The following KITLG variants were observed in gnomAD, a reference collection of about 807,000 sequenced individuals.
KITLG encodes KIT ligand.
A neutral mutation model predicts 34.1 loss-of-function variants in KITLG; 13 were observed. That is an observed-to-expected ratio of 0.38 (90% CI 0.25 to 0.61). KITLG has a LOEUF of 0.61. KITLG is among the 20% of genes least tolerant of loss of function. The pLI, the probability that KITLG is intolerant of heterozygous loss-of-function variation, is 0.60. For synonymous variants in KITLG, 110 were observed against 104.0 expected, an observed-to-expected ratio of 1.06 and a Z score of -0.35; for missense variants, 292 against 318.9, an observed-to-expected ratio of 0.92 and a Z score of 0.64.
At chr12:88,502,869 A>G (rs543394604) in intron 9 of KITLG, among the ~76,000 whole-genome samples, 41 of 151,264 alleles carry the variant, frequency 2.7e-4, no homozygotes, top group African/African-American at 8.3e-4. Flanking sequence ...ATGCCACTTG[A>G]GAGAACTGAA....
At chr12:88,560,110 T>A (rs1399372965) in intron 1 of KITLG, among the ~76,000 whole-genome samples, 3 of 152,242 alleles carry the variant, frequency 2.0e-5, no homozygotes, top group African/African-American at 4.8e-5. Flanking sequence ...CTTGTGATGA[T>A]AACATGTTTT....
In KITLG at chr12:88,580,270, C is replaced by T. The variant is rs2121003290; in HGVS notation, c.9G>A (p.Lys3=). The change falls in exon 1 of 10, where the codon AAG becomes AAA. Residue 3 remains lysine, a synonymous_variant. Transcript: ENST00000644744. ...CCGGGCGCGCCCTACTCACTTGTGT[C>T]TTCTTCATAAGGAAAGGCAGCGCTG... is the stretch of plus-strand genomic sequence containing the variant. The part of the protein sequence containing the change: MK[K]TQTWILTCIY... 3.7e-6 allele frequency: 6 copies of T among 1,610,644 alleles called. No homozygotes were observed. Among genetic ancestry groups the T allele is most frequent in the African/African-American group, 1.3e-5 (1 of 74,994 alleles).
intron 2 of KITLG, among the ~76,000 whole-genome samples, chr12:88,544,537 A>C (rs1379896186): frequency 6.6e-6 from 1 of 150,724 alleles, no homozygotes; most frequent in Non-Finnish European, 1.5e-5. Flanking sequence ...CTCCCCCCTC[A>C]CCCCCATCCC....
chr12:88,512,743 TAA>T (rs1444037203), intron 6 of KITLG, among the ~76,000 whole-genome samples: 1 of 151,458 alleles, frequency 6.6e-6, no homozygotes, highest in Non-Finnish European at 1.5e-5. Context: ...GTGATATTTT[TAA>T]AAGACTAAAA....
chr12:88,574,290 GAAA>G (rs5799871), intron 1 of KITLG, among the ~76,000 whole-genome samples: 2 of 139,306 alleles, frequency 1.4e-5, no homozygotes. Flanking sequence ...ACTGCTAAAA[GAAA>G]AAAAAAAAAA....
At chr12:88,529,296 C>T (rs752024183) in intron 3 of KITLG, among the ~76,000 whole-genome samples, 1 of 152,128 alleles carries the variant, frequency 6.6e-6, no homozygotes, top group Non-Finnish European at 1.5e-5. Flanking sequence ...TCTACAATAA[C>T]ATTACCAGTA....
chr12:88,527,240 TC>T (rs1332621592), intron 3 of KITLG, among the ~76,000 whole-genome samples: 1 of 152,114 alleles, frequency 6.6e-6, no homozygotes, highest in Non-Finnish European at 1.5e-5. Context: ...AAAAAGCCAT[TC>T]AATGAATATA....
At chr12:88,542,825 G>T (rs1440106539) in intron 2 of KITLG, among the ~76,000 whole-genome samples, 1 of 152,112 alleles carries the variant, frequency 6.6e-6, no homozygotes, top group Non-Finnish European at 1.5e-5. Context: ...CTGAGAGACT[G>T]TGATCTGCTG....
chr12:88,570,063 G>A (rs929918166), intron 1 of KITLG, among the ~76,000 whole-genome samples: 1 of 152,072 alleles, frequency 6.6e-6, no homozygotes, highest in Admixed American at 6.6e-5. Context: ...GAGGATCAGA[G>A]CAAATTGATA....
intron 1 of KITLG, among the ~76,000 whole-genome samples, chr12:88,561,260 A>G (rs1045311973): frequency 9.2e-5 from 14 of 152,162 alleles, no homozygotes; most frequent in African/African-American, 3.4e-4. Context: ...TACCTGTCAA[A>G]TAATACACCT....
intron 3 of KITLG, among the ~76,000 whole-genome samples, chr12:88,522,452 A>G (rs1311121681): frequency 7.7e-6 from 1 of 130,388 alleles, no homozygotes; most frequent in Non-Finnish European, 1.6e-5. Flanking sequence ...TTTTTGAGAC[A>G]GTCTTGCTCT....
intron 1 of KITLG, among the ~76,000 whole-genome samples, chr12:88,573,150 G>A (rs1427685502): frequency 6.6e-6 from 1 of 152,148 alleles, no homozygotes. Flanking sequence ...AATTTTATAT[G>A]AAAACATCTC....
Position 88,493,222 on chromosome 12 carries a change from G to A in KITLG, c.*3997C>T, listed in dbSNP as rs554152401. 10 of 152,220 alleles carry A rather than the reference G, an allele frequency of 6.6e-5. No individual in the cohort carries two copies. The highest frequency in any genetic ancestry group is 6.2e-4 in the South Asian group (3 of 4,804). 9.4% of individuals were successfully genotyped at this position (152,220 alleles called of 1,614,324 possible). A position where few individuals can be genotyped will look rare whatever the true frequency, so the allele number is the denominator to read the frequency against. On this transcript the variant is annotated 3_prime_UTR_variant, in exon 10 of 10. Coordinates refer to ENST00000644744, the MANE Select transcript of KITLG (RefSeq NM_000899.5). ...GCTCAGAGATCAAGTACTGGAAAAC[G>A]GTGTGGTTTTTAGTTTAACAGTTGT...
intron 6 of KITLG, among the ~76,000 whole-genome samples, chr12:88,514,042 G>A (rs1484241999): frequency 6.6e-6 from 1 of 151,470 alleles, no homozygotes; most frequent in Non-Finnish European, 1.5e-5. Context: ...AAGATATATA[G>A]GAAAATCTCA....
chr12:88,514,478 C>A (rs540975949), intron 6 of KITLG, among the ~76,000 whole-genome samples: 1 of 151,536 alleles, frequency 6.6e-6, no homozygotes, highest in Non-Finnish European at 1.5e-5. Context: ...TGATATGCTA[C>A]GTAATTTAGA....
intron 3 of KITLG, among the ~76,000 whole-genome samples, chr12:88,531,185 T>A (rs1247124083): frequency 6.6e-6 from 1 of 152,206 alleles, no homozygotes; most frequent in African/African-American, 2.4e-5. Context: ...CCATGTCTTA[T>A]GTATGGGTGC....
At chr12:88,565,137 A>G (rs1008126077) in intron 1 of KITLG, among the ~76,000 whole-genome samples, 1 of 152,134 alleles carries the variant, frequency 6.6e-6, no homozygotes, top group Non-Finnish European at 1.5e-5. Context: ...CTGTCTTTCA[A>G]CTCCTTTTAG....
intron 2 of KITLG, among the ~76,000 whole-genome samples, chr12:88,539,230 A>C (rs1002670598): frequency 6.6e-6 from 1 of 152,110 alleles, no homozygotes. Flanking sequence ...CATCTTTGCA[A>C]GACCCTTACT....
At chr12:88,570,681 T>C (rs1397746848) in intron 1 of KITLG, among the ~76,000 whole-genome samples, 1 of 152,190 alleles carries the variant, frequency 6.6e-6, no homozygotes, top group East Asian at 1.9e-4. Flanking sequence ...CTCTTCCACT[T>C]GCACTTTTTA....
Sources: gnomAD v4.1 joint callset for allele counts (sites outside exome capture counted in the v4.1 genomes callset) on GRCh38, gnomAD v4.1.1 for gene constraint, MANE v1.5 for transcripts, NCBI Gene and HGNC (gene_info 2026-07-23, HGNC 2026-07-21) for gene names.